RPS6KC1: variants seen among roughly 807,000 people sequenced by gnomAD.
The protein encoded by RPS6KC1 is inactive ribosomal protein S6 kinase delta-1.
RPS6KC1 carries 54 observed loss-of-function variants against 103.8 expected under a neutral mutation model. The ratio of observed to expected loss-of-function variants is 0.52; its 90% CI spans 0.42 to 0.65. The LOEUF is 0.65. Ranked by LOEUF, RPS6KC1 falls within the 30% of genes least tolerant of loss-of-function variation. RPS6KC1 has a pLI of 0.00. For missense variants in RPS6KC1, 1,151 were observed against 1,253.8 expected (o/e 0.92, Z 1.24); for synonymous variants, 439 against 438.7 (o/e 1.00, Z -0.01).
chr1:213,121,276 G>C (rs915999012), intron 5 of RPS6KC1, among the ~76,000 whole-genome samples: 1 of 152,162 alleles, frequency 6.6e-6, no homozygotes, highest in Non-Finnish European at 1.5e-5. Context: ...GCATGGGATA[G>C]AGAAACCCCT....
At chr1:213,857,741 C>G in the RPS6KC1 span, among the ~76,000 whole-genome samples, 1 of 152,152 alleles carries the variant, frequency 6.6e-6, no homozygotes, top group Non-Finnish European at 1.5e-5. Flanking sequence ...GGAGACTGCC[C>G]CCACTACACA....
the RPS6KC1 span, among the ~76,000 whole-genome samples, chr1:213,390,692 G>C: frequency 6.6e-6 from 1 of 152,080 alleles, no homozygotes; most frequent in African/African-American, 2.4e-5. Context: ...TTTCTCATTG[G>C]GCTGAAATTT....
the RPS6KC1 span, among the ~76,000 whole-genome samples, chr1:213,463,003 G>A: frequency 6.6e-6 from 1 of 152,098 alleles, no homozygotes; most frequent in East Asian, 1.9e-4. Context: ...TTATTCTTAG[G>A]CCACCACTGA....
At chr1:213,218,916 A>G (rs1374812766) in intron 8 of RPS6KC1, among the ~76,000 whole-genome samples, 2 of 152,264 alleles carry the variant, frequency 1.3e-5, no homozygotes, top group Admixed American at 6.5e-5. Flanking sequence ...TAAAAGCCCT[A>G]GAAGAAAACC....
chr1:213,130,561 G>C (rs2085490846), intron 6 of RPS6KC1, among the ~76,000 whole-genome samples: 1 of 152,116 alleles, frequency 6.6e-6, no homozygotes, highest in Non-Finnish European at 1.5e-5. Flanking sequence ...ATTTACAGAA[G>C]ATCATCATTT....
Position 213,118,021 on chromosome 1 carries a change from C to CAAAAAAAAAAAAAAAAAAAAAAAAAAAA in RPS6KC1, c.472+629_472+630insAAAAAAAAAAAAAAAAAAAAAAAAAAAA, listed in dbSNP as rs59318173. Among the ~76,000 whole-genome samples the CAAAAAAAAAAAAAAAAAAAAAAAAAAAA allele has an allele frequency of 1.1e-3, 38 of 34,180 alleles. 8 individuals are homozygous for CAAAAAAAAAAAAAAAAAAAAAAAAAAAA. Among genetic ancestry groups the CAAAAAAAAAAAAAAAAAAAAAAAAAAAA allele is most frequent in the Non-Finnish European group, 1.5e-3 (25 of 17,018 alleles). 22.4% of individuals were successfully genotyped at this position (34,180 alleles called of 152,430 possible). On this transcript the variant is annotated intron_variant, in intron 5 of 14. Transcript: ENST00000366960. ...TGGACAACAAAGCAAGACTTTGTCTCAAAAAAAAAAAAAAAAAAGCCTTAC... is the reference window on the plus strand; with the variant it reads ...TGGACAACAAAGCAAGACTTTGTCTCAAAAAAAAAAAAAAAAAAAAAAAAAAAAAAAAAAAAAAAAAAAAAAGCCTTAC...
At chr1:213,503,377 C>T in the RPS6KC1 span, among the ~76,000 whole-genome samples, 1 of 152,152 alleles carries the variant, frequency 6.6e-6, no homozygotes, top group Non-Finnish European at 1.5e-5. Flanking sequence ...CAGGTATCCA[C>T]ACTGGTTTAA....
the RPS6KC1 span, among the ~76,000 whole-genome samples, chr1:213,705,266 G>C: frequency 2.6e-5 from 4 of 152,208 alleles, 1 homozygote; most frequent in South Asian, 2.1e-4. Flanking sequence ...CCAGGGACTA[G>C]ATTCAAAAAC....
At chr1:213,594,499 G>C in the RPS6KC1 span, among the ~76,000 whole-genome samples, 159 of 152,192 alleles carry the variant, frequency 1.0e-3, no homozygotes, top group Non-Finnish European at 2.9e-4. Context: ...TATTTTTAGA[G>C]AGCCAAGGTG....
the RPS6KC1 span, among the ~76,000 whole-genome samples, chr1:213,419,048 C>T: frequency 6.6e-6 from 1 of 152,242 alleles, no homozygotes; most frequent in African/African-American, 2.4e-5. Flanking sequence ...GGAACTTTCT[C>T]TCTCAGCCAA....
the RPS6KC1 span, among the ~76,000 whole-genome samples, chr1:213,730,526 G>C: frequency 6.6e-6 from 1 of 152,340 alleles, no homozygotes; most frequent in South Asian, 2.1e-4. Flanking sequence ...GATCAGTGAT[G>C]TTGAGCTTTT....
the RPS6KC1 span, among the ~76,000 whole-genome samples, chr1:213,425,621 C>T: frequency 6.6e-6 from 1 of 152,166 alleles, no homozygotes; most frequent in East Asian, 1.9e-4. Flanking sequence ...AACGGCAAGG[C>T]GCACACCCAG....
At chr1:213,291,161 A>G in the RPS6KC1 span, among the ~76,000 whole-genome samples, 1 of 152,210 alleles carries the variant, frequency 6.6e-6, no homozygotes, top group African/African-American at 2.4e-5. Flanking sequence ...TCCGGCAACT[A>G]AAAGGCCACA....
the RPS6KC1 span, among the ~76,000 whole-genome samples, chr1:213,809,791 T>C: frequency 3.3e-5 from 5 of 152,178 alleles, no homozygotes; most frequent in African/African-American, 1.2e-4. Flanking sequence ...ATGCTGTAAA[T>C]AGACAGCATA....
chr1:213,486,117 T>G, the RPS6KC1 span, among the ~76,000 whole-genome samples: 1 of 152,170 alleles, frequency 6.6e-6, no homozygotes, highest in Non-Finnish European at 1.5e-5. Flanking sequence ...AACACAGTGG[T>G]TTCAAGTCCT....
At chr1:213,220,093 A>G (rs1018596890) in intron 8 of RPS6KC1, among the ~76,000 whole-genome samples, 2 of 152,136 alleles carry the variant, frequency 1.3e-5, no homozygotes, top group Admixed American at 6.6e-5. Context: ...TACACACACA[A>G]TACAGTATTG....
chr1:213,763,461 C>T, the RPS6KC1 span, among the ~76,000 whole-genome samples: 2 of 152,162 alleles, frequency 1.3e-5, no homozygotes. Context: ...CTGCTGCTGC[C>T]AGGAAAAGGG....
the RPS6KC1 span, among the ~76,000 whole-genome samples, chr1:213,809,217 G>T: frequency 6.6e-6 from 1 of 152,158 alleles, no homozygotes; most frequent in Non-Finnish European, 1.5e-5. Flanking sequence ...GAATAGAGAG[G>T]CTTGAGGAGA....
At chr1:213,060,177 A>G (rs1313681226) in intron 1 of RPS6KC1, among the ~76,000 whole-genome samples, 1 of 152,244 alleles carries the variant, frequency 6.6e-6, no homozygotes, top group Non-Finnish European at 1.5e-5. Flanking sequence ...GTAGTCATAC[A>G]CATTTCAAGC....
Sources: allele counts gnomAD v4.1 joint callset (sites outside exome capture counted in the v4.1 genomes callset), GRCh38; gene constraint gnomAD v4.1.1; transcripts MANE v1.5; gene names NCBI Gene and HGNC (gene_info 2026-07-23, HGNC 2026-07-21).